Variants in STAG1 observed in about 807,000 individuals in gnomAD.
STAG1 encodes STAG1 cohesin complex component.
A neutral mutation model predicts 170.9 loss-of-function variants in STAG1; 26 were observed. That is an observed-to-expected ratio of 0.15 (90% confidence interval 0.11 to 0.21). The LOEUF is 0.21. Among genes scored for constraint, STAG1 ranks in the 10% least tolerant of loss-of-function variants. The probability of loss-of-function intolerance (pLI) is 1.00; values close to 1 mark genes in which losing one functional copy is unlikely to be tolerated. For missense variants in STAG1, 964 were observed against 1,509.5 expected (o/e 0.64, Z 5.99); for synonymous variants, 514 against 497.7 (o/e 1.03, Z -0.44).
intron 29 of STAG1, among the ~76,000 whole-genome samples, chr3:136,345,030 A>C (rs2108262967): frequency 6.6e-6 from 1 of 152,274 alleles, no homozygotes; most frequent in South Asian, 2.1e-4. Flanking sequence ...ATCTCTGTAA[A>C]ACTTAAGTTT....
intron 1 of STAG1, among the ~76,000 whole-genome samples, chr3:136,632,397 A>G (rs1215837736): frequency 6.6e-6 from 1 of 152,170 alleles, no homozygotes; most frequent in East Asian, 1.9e-4. Flanking sequence ...ACCATCGCCC[A>G]TTCCCCAACT....
intron 10 of STAG1, among the ~76,000 whole-genome samples, 189 bp from the exon 11 acceptor site, chr3:136,473,826 A>G (rs1261324660): frequency 6.6e-6 from 1 of 152,146 alleles, no homozygotes; most frequent in African/African-American, 2.4e-5. Context: ...AAATTCACTG[A>G]AAAGACCTTA....
At position 136,749,199 on chromosome 3, in the gene STAG1, T is replaced by G. The variant is rs114644562; in HGVS notation, c.-84+2996A>C. Among the ~76,000 whole-genome samples the G allele has an allele frequency of 3.2e-3, 485 of 152,276 alleles. 6 individuals carry two copies. The highest frequency in any genetic ancestry group is 0.011 in the African/African-American group (469 of 41,558). On this transcript the variant is annotated intron_variant, in intron 1 of 33. Coordinates refer to ENST00000383202, the MANE Select transcript of STAG1 (RefSeq NM_005862.3). ...AATTAAGGCCCTTAATCAGTTAAGT[T>G]TACCACAAGGGCCTCAGAGCTTAGC...
chr3:136,746,050 G>C (rs1232707094), intron 1 of STAG1, among the ~76,000 whole-genome samples: 1 of 152,128 alleles, frequency 6.6e-6, no homozygotes, highest in Non-Finnish European at 1.5e-5. Context: ...GACACTTTCA[G>C]CACTAAAAGG....
At chr3:136,683,748 G>C (rs1452142195) in intron 1 of STAG1, among the ~76,000 whole-genome samples, 2 of 152,172 alleles carry the variant, frequency 1.3e-5, no homozygotes, top group Admixed American at 1.3e-4. Flanking sequence ...GAAGAAAAAA[G>C]TCAAAACAGT....
chr3:136,587,541 C>CA (rs747339467), intron 4 of STAG1, among the ~76,000 whole-genome samples: 3,425 of 60,410 alleles, frequency 0.057, 164 homozygotes, highest in African/African-American at 0.083. Context: ...AACTCCATCT[C>CA]AAAAAAAAAA....
At chr3:136,656,657 T>C (rs1026938417) in intron 1 of STAG1, among the ~76,000 whole-genome samples, 2 of 67,458 alleles carry the variant, frequency 3.0e-5, no homozygotes, top group African/African-American at 3.3e-4. Context: ...ATCAAACCTA[T>C]GGAGAAAAGG....
chr3:136,560,692 C>T (rs1187811092), intron 5 of STAG1, among the ~76,000 whole-genome samples: 7 of 152,140 alleles, frequency 4.6e-5, no homozygotes, highest in Non-Finnish European at 7.3e-5. Flanking sequence ...AGACTACAGA[C>T]GTTTCAGCAG....
intron 1 of STAG1, among the ~76,000 whole-genome samples, chr3:136,671,492 T>C (rs1941979233): frequency 6.6e-6 from 1 of 152,202 alleles, no homozygotes; most frequent in African/African-American, 2.4e-5. Flanking sequence ...AGATTATCTC[T>C]AGATAATGCC....
At chr3:136,696,569 A>G (rs185011854) in intron 1 of STAG1, among the ~76,000 whole-genome samples, 157 of 152,226 alleles carry the variant, frequency 1.0e-3, no homozygotes, top group Non-Finnish European at 1.6e-3. Context: ...TTCATCAACT[A>G]TAACAAATGT....
intron 1 of STAG1, among the ~76,000 whole-genome samples, chr3:136,727,626 C>G (rs1037149209): frequency 6.6e-6 from 1 of 152,158 alleles, no homozygotes; most frequent in African/African-American, 2.4e-5. Flanking sequence ...TACTTTCCCC[C>G]TTTTGGGTCT....
At chr3:136,537,511 T>G (rs1273416422) in intron 6 of STAG1, among the ~76,000 whole-genome samples, 2 of 150,940 alleles carry the variant, frequency 1.3e-5, no homozygotes, top group Non-Finnish European at 3.0e-5. Context: ...TTTTGTTTTT[T>G]TTTTTTTGAG....
At chr3:136,654,996 G>T (rs544766569) in intron 1 of STAG1, among the ~76,000 whole-genome samples, 1 of 152,176 alleles carries the variant, frequency 6.6e-6, no homozygotes, top group South Asian at 2.1e-4. Context: ...AACTCAAATG[G>T]ATCAAAGACC....
chr3:136,363,268 C>A, intron 26 of STAG1, 98 bp downstream of exon 26: 2 of 610,586 alleles, frequency 3.3e-6, no homozygotes, highest in Non-Finnish European at 5.7e-6. Flanking sequence ...ATAAAATGAC[C>A]TAGTTTAAAT....
chr3:136,666,276 A>G (rs1037293167), intron 1 of STAG1, among the ~76,000 whole-genome samples: 2 of 151,992 alleles, frequency 1.3e-5, no homozygotes, highest in Admixed American at 6.6e-5. Context: ...TCCTGAAAGA[A>G]AACAGCGCTG....
intron 1 of STAG1, among the ~76,000 whole-genome samples, chr3:136,714,825 C>T (rs1251700251): frequency 2.7e-5 from 4 of 148,038 alleles, no homozygotes; most frequent in African/African-American, 1.0e-4. Context: ...GGCAAGATCA[C>T]TTGAACCTGG....
At chr3:136,627,067 ATTC>A (rs1940135651) in intron 2 of STAG1, among the ~76,000 whole-genome samples, 1 of 152,198 alleles carries the variant, frequency 6.6e-6, no homozygotes, top group Admixed American at 6.5e-5. Context: ...AAACTAACCT[ATTC>A]TTCAGCAGTA....
At chr3:136,518,535 A>T (rs556830132) in intron 7 of STAG1, 254 of 608,906 alleles carry the variant, frequency 4.2e-4, no homozygotes, top group Non-Finnish European at 6.6e-4. Flanking sequence ...ATTGTTGTCC[A>T]GCCTGGAATT....
At chr3:136,375,001 T>C (rs1189150679) in intron 23 of STAG1, among the ~76,000 whole-genome samples, 1 of 152,196 alleles carries the variant, frequency 6.6e-6, no homozygotes, top group Admixed American at 6.6e-5. Context: ...CTACTCAGTA[T>C]AGTATTATAC....
Sources: allele counts gnomAD v4.1 joint callset (sites outside exome capture counted in the v4.1 genomes callset), GRCh38; gene constraint gnomAD v4.1.1; transcripts MANE v1.5; gene names NCBI Gene and HGNC (gene_info 2026-07-23, HGNC 2026-07-21).